KIF13B: variants seen among roughly 807,000 people sequenced by gnomAD.
KIF13B encodes kinesin-like protein KIF13B.
A neutral mutation model predicts 222.0 loss-of-function variants in KIF13B; 127 were observed. The observed-to-expected ratio is 0.57, with a 90% CI of 0.50 to 0.66. KIF13B has a LOEUF of 0.66. Among genes scored for constraint, KIF13B ranks in the 30% least tolerant of loss-of-function variants. KIF13B has a pLI of 0.00. For synonymous variants in KIF13B, 976 were observed against 919.0 expected, an observed-to-expected ratio of 1.06 and a Z score of -1.12; for missense variants, 2,173 against 2,379.0, an observed-to-expected ratio of 0.91 and a Z score of 1.80.
intron 6 of KIF13B, among the ~76,000 whole-genome samples, chr8:29,184,480 C>G (rs913971094): frequency 6.6e-6 from 1 of 152,112 alleles, no homozygotes; most frequent in African/African-American, 2.4e-5. Context: ...CTATCATTTC[C>G]CTCTTCAAGT....
chr8:29,081,914 T>C (rs1052701704), intron 37 of KIF13B, among the ~76,000 whole-genome samples: 1 of 152,246 alleles, frequency 6.6e-6, no homozygotes, highest in African/African-American at 2.4e-5. Flanking sequence ...CTAAGTTGGC[T>C]TACTAAAAGT....
intron 29 of KIF13B, among the ~76,000 whole-genome samples, 159 bp from the exon 30 acceptor site, chr8:29,119,151 C>A (rs1184499095): frequency 6.6e-6 from 1 of 152,192 alleles, no homozygotes; most frequent in Non-Finnish European, 1.5e-5. Flanking sequence ...CTTAAAAGTT[C>A]ACAGATCTTC....
chr8:29,108,107 A>G (rs1809178415), intron 35 of KIF13B, 32 bp downstream of exon 35: 1 of 1,577,074 alleles, frequency 6.3e-7, no homozygotes, highest in Non-Finnish European at 8.7e-7. Context: ...AATGGGACTT[A>G]AAACACTGAT....
chr8:29,143,055 T>C (rs963934023), intron 18 of KIF13B, among the ~76,000 whole-genome samples: 2 of 152,084 alleles, frequency 1.3e-5, no homozygotes, highest in African/African-American at 4.8e-5. Flanking sequence ...GGTCTTGCTA[T>C]ATGGCCAAGG....
intron 10 of KIF13B, among the ~76,000 whole-genome samples, chr8:29,169,071 A>ACT (rs754498978): frequency 2.8e-4 from 43 of 152,150 alleles, no homozygotes; most frequent in Non-Finnish European, 5.4e-4. Flanking sequence ...AAGAAAGCTA[A>ACT]CTCTACTTTG....
chr8:29,226,697 G>A (rs1335984339), intron 2 of KIF13B, among the ~76,000 whole-genome samples: 1 of 152,118 alleles, frequency 6.6e-6, no homozygotes. Flanking sequence ...ATTTACACCC[G>A]CGTGGTCTCT....
At chr8:29,203,630 C>T (rs947225082) in intron 2 of KIF13B, among the ~76,000 whole-genome samples, 3 of 152,074 alleles carry the variant, frequency 2.0e-5, no homozygotes, top group Non-Finnish European at 4.4e-5. Flanking sequence ...CGGTGGCTCA[C>T]GCCTGTAATC....
chr8:29,176,119 G>C lies in KIF13B; in HGVS notation c.894C>G (p.Asn298Lys), dbSNP rs746318135. The C allele has an allele frequency of 1.2e-6, 2 of 1,613,768 alleles. No homozygotes were observed. The highest frequency in any genetic ancestry group is 1.1e-5 in the South Asian group (1 of 91,032). The change falls in exon 10 of 40, where the codon AAC becomes AAG. Residue 298 changes from asparagine to lysine, a missense_variant. Asn to Lys is a moderately conservative substitution (Grantham distance 94). Coordinates refer to ENST00000524189, the MANE Select transcript of KIF13B (RefSeq NM_015254.4). ...SALADQSAGK[N>K]KNKFVPYRDS... is the part of the protein sequence containing the mutation. ...CACGATATGGAACAAATTTATTCTT[G>C]TTTTTGCCAGCACTCTGATCTGCAA...
intron 4 of KIF13B, chr8:29,190,792 C>A (rs529410504): frequency 3.3e-4 from 191 of 587,118 alleles, no homozygotes; most frequent in African/African-American, 2.8e-3. Context: ...GGACACCCAG[C>A]CAGTGTCTGC....
At chr8:29,132,277 A>G (rs1350174099) in intron 23 of KIF13B, 31 bp downstream of exon 23, 21 of 1,394,538 alleles carry the variant, frequency 1.5e-5, no homozygotes, top group Admixed American at 5.4e-5. Context: ...ACATATATAT[A>G]AATGGAATCA....
chr8:29,095,721 C>G (rs939093319), intron 36 of KIF13B, among the ~76,000 whole-genome samples: 4 of 152,128 alleles, frequency 2.6e-5, no homozygotes, highest in African/African-American at 9.7e-5. Context: ...GAGCCAACAT[C>G]AGGCCACTGC....
At chr8:29,121,943 G>A (rs34886603) in intron 29 of KIF13B, among the ~76,000 whole-genome samples, 25,997 of 152,120 alleles carry the variant, frequency 0.17, 2,408 homozygotes, top group Admixed American at 0.27. Context: ...CCTTTCCAGA[G>A]AGAAGTCTTT....
intron 29 of KIF13B, among the ~76,000 whole-genome samples, chr8:29,121,242 T>C (rs1394570356): frequency 1.0e-3 from 72 of 71,906 alleles, no homozygotes; most frequent in Non-Finnish European, 1.6e-3. Flanking sequence ...GAGCCCGCAT[T>C]GCCAAGTCAA....
chr8:29,122,510 G>A lies in KIF13B; in HGVS notation c.3535+81C>T, dbSNP rs76575715. 1.5e-3 allele frequency: 1,652 copies of A among 1,138,712 alleles called. 5 individuals carry two copies. The highest frequency in any genetic ancestry group is 2.0e-3 in the Non-Finnish European group (1,518 of 769,622). 70.5% of individuals were successfully genotyped at this position (1,138,712 alleles called of 1,614,324 possible). A position where few individuals can be genotyped will look rare whatever the true frequency, so the allele number is the denominator to read the frequency against. On this transcript the variant is annotated intron_variant, in intron 29 of 39. Transcript: ENST00000524189. ...CCTTAGGGGGACAGAATTGCCTCAC[G>A]ATGCACTTGGTTGGAATCTACATGT...
At chr8:29,170,608 T>C (rs967867275) in intron 10 of KIF13B, among the ~76,000 whole-genome samples, 1 of 151,858 alleles carries the variant, frequency 6.6e-6, no homozygotes, top group Non-Finnish European at 1.5e-5. Flanking sequence ...GAGGAGAGAC[T>C]GAAGAGATGG....
chr8:29,100,233 T>A (rs1363144773), intron 35 of KIF13B, among the ~76,000 whole-genome samples: 1 of 152,170 alleles, frequency 6.6e-6, no homozygotes, highest in Non-Finnish European at 1.5e-5. Context: ...TGGTGAGCCA[T>A]AAAAATAGTG....
intron 35 of KIF13B, among the ~76,000 whole-genome samples, chr8:29,101,814 G>C (rs1029416729): frequency 2.0e-5 from 3 of 152,138 alleles, no homozygotes; most frequent in Admixed American, 1.3e-4. Context: ...GCTTCAGAGG[G>C]AGCAACCAAT....
intron 35 of KIF13B, among the ~76,000 whole-genome samples, chr8:29,106,510 C>A (rs963081841): frequency 2.0e-5 from 3 of 151,656 alleles, no homozygotes; most frequent in African/African-American, 7.3e-5. Context: ...CGAGTGCCTG[C>A]AATCCCCGCT....
At chr8:29,138,998 T>C (rs1372285251) in intron 21 of KIF13B, among the ~76,000 whole-genome samples, 2 of 152,106 alleles carry the variant, frequency 1.3e-5, no homozygotes, top group Non-Finnish European at 2.9e-5. Context: ...CTGAACTATT[T>C]ACAGATAAGA....
Sources: allele counts gnomAD v4.1 joint callset (sites outside exome capture counted in the v4.1 genomes callset), GRCh38; gene constraint gnomAD v4.1.1; transcripts MANE v1.5; gene names NCBI Gene and HGNC (gene_info 2026-07-23, HGNC 2026-07-21).